MINDY4: variants seen among roughly 807,000 people sequenced by gnomAD.
MINDY4 encodes the protein MINDY lysine 48 deubiquitinase 4, also known as probable ubiquitin carboxyl-terminal hydrolase MINDY-4.
MINDY4 carries 68 observed loss-of-function variants against 87.0 expected under a neutral mutation model. That is an observed-to-expected ratio of 0.78 (90% CI 0.64 to 0.96). The LOEUF is 0.96. Ranked by LOEUF, MINDY4 falls within the 40% of genes least tolerant of loss-of-function variation. The pLI is 0.00. For synonymous variants in MINDY4, 379 were observed against 363.2 expected (o/e 1.04, Z -0.50); for missense variants, 919 against 928.2 (o/e 0.99, Z 0.13).
chr7:30,836,770 T>A lies in MINDY4; in HGVS notation c.1239+6T>A. 1 of 1,609,210 alleles carries A rather than the reference T, an allele frequency of 6.2e-7. No homozygotes were observed. The highest frequency in any genetic ancestry group is 8.5e-7 in the Non-Finnish European group (1 of 1,175,620). On this transcript the variant is annotated splice_donor_region_variant and intron_variant, in intron 7 of 17. Transcript: ENST00000265299. ...TTGACCTCTCAGTAGCAAAGGTAAG[T>A]GTAAGGAGACTCCTGGGTTAAATGT...
chr7:30,818,586 T>C (rs898663313), intron 5 of MINDY4, among the ~76,000 whole-genome samples: 1 of 152,168 alleles, frequency 6.6e-6, no homozygotes, highest in Admixed American at 6.5e-5. Flanking sequence ...CACAGACTTT[T>C]AGTGTGTCAG....
At chr7:30,793,602 G>A (rs535828414) in intron 5 of MINDY4, among the ~76,000 whole-genome samples, 1 of 151,944 alleles carries the variant, frequency 6.6e-6, no homozygotes, top group Admixed American at 6.6e-5. Context: ...TGTATTTTTT[G>A]TAGAGACGGG....
intron 3 of MINDY4, among the ~76,000 whole-genome samples, chr7:30,784,219 T>C (rs1340517205): frequency 6.6e-6 from 1 of 152,108 alleles, no homozygotes; most frequent in East Asian, 1.9e-4. Flanking sequence ...TCTGGTACAA[T>C]AAAAAGGCAA....
At chr7:30,809,575 A>G (rs1447736439) in intron 5 of MINDY4, among the ~76,000 whole-genome samples, 1 of 152,094 alleles carries the variant, frequency 6.6e-6, no homozygotes, top group African/African-American at 2.4e-5. Flanking sequence ...CATCTATACA[A>G]TTCTAAGTTA....
chr7:30,776,328 G>A (rs1020174719), intron 1 of MINDY4, among the ~76,000 whole-genome samples: 3 of 152,136 alleles, frequency 2.0e-5, no homozygotes, highest in African/African-American at 7.2e-5. Flanking sequence ...CAGGGCCTTT[G>A]CACTTGCTGT....
chr7:30,824,627 T>C (rs10235413), intron 5 of MINDY4, among the ~76,000 whole-genome samples: 56,847 of 151,802 alleles, frequency 0.37, 13,878 homozygotes, highest in African/African-American at 0.68. Context: ...TTAGAGGTAG[T>C]GGCTTGCGTG....
Position 30,875,484 on chromosome 7 carries a change from C to T in MINDY4, c.1810-11C>T, listed in dbSNP as rs1163685004. 3.1e-6 allele frequency: 5 copies of T among 1,614,140 alleles called. No homozygotes were observed. The East Asian group carries it at 1.1e-4, about 36-fold the overall frequency. On this transcript the variant is annotated splice_polypyrimidine_tract_variant and intron_variant, in intron 14 of 17. Transcript: ENST00000265299. The stretch of plus-strand genomic sequence containing the variant: ...GACTTGATGAGTCTTTCCCCTTTCT[C>T]TCATCTGCAGGAACTTGTCAATCTG...
At chr7:30,866,023 C>T (rs1279353715) in intron 13 of MINDY4, among the ~76,000 whole-genome samples, 5 of 152,254 alleles carry the variant, frequency 3.3e-5, no homozygotes, top group African/African-American at 1.2e-4. Context: ...AGCAAGCCAA[C>T]TGTGCCTGGG....
chr7:30,830,199 T>G (rs957694131), intron 6 of MINDY4, among the ~76,000 whole-genome samples: 20 of 152,182 alleles, frequency 1.3e-4, no homozygotes, highest in African/African-American at 4.3e-4. Flanking sequence ...AGCAATTACC[T>G]GCCAGCGCAT....
At chr7:30,858,128 G>A (rs1584323866) in intron 12 of MINDY4, 1 of 152,018 alleles carries the variant, frequency 6.6e-6, no homozygotes, top group Middle Eastern at 3.4e-3. Flanking sequence ...CACAGTTCAT[G>A]GTTTCCAAAG....
intron 2 of MINDY4, 135 bp downstream of exon 2, chr7:30,778,686 G>C: frequency 2.8e-6 from 3 of 1,065,186 alleles, no homozygotes; most frequent in Non-Finnish European, 4.2e-6. Context: ...GAGAGAAACG[G>C]ACCCCCCAAA....
At chr7:30,842,300 A>G (rs938924419) in intron 9 of MINDY4, among the ~76,000 whole-genome samples, 2 of 152,040 alleles carry the variant, frequency 1.3e-5, no homozygotes, top group Non-Finnish European at 2.9e-5. Flanking sequence ...ATCATGCCCC[A>G]CTGCCTGCTC....
At chr7:30,875,739 G>C in intron 15 of MINDY4, 83 bp downstream of exon 15, 4 of 1,450,874 alleles carry the variant, frequency 2.8e-6, no homozygotes, top group South Asian at 2.7e-5. Context: ...AGGAAAGCTG[G>C]ACTCCACTTC....
At chr7:30,846,884 G>A (rs7791980) in intron 9 of MINDY4, among the ~76,000 whole-genome samples, 7,966 of 152,204 alleles carry the variant, frequency 0.052, 347 homozygotes, top group East Asian at 0.11. Flanking sequence ...CTGCCCCCAC[G>A]AGAGTCTTAT....
chr7:30,850,690 G>A, intron 10 of MINDY4, 135 bp downstream of exon 10: 2 of 789,890 alleles, frequency 2.5e-6, no homozygotes, highest in Non-Finnish European at 2.1e-6. Flanking sequence ...AGCCCTGCAA[G>A]CCAGCCTGAT....
At chr7:30,882,876 G>A (rs745825597) in intron 16 of MINDY4, 45 bp from the exon 17 acceptor site, 1 of 1,588,506 alleles carries the variant, frequency 6.3e-7, no homozygotes, top group Non-Finnish European at 8.6e-7. Context: ...CAGGGTGAGT[G>A]CAGGGCCCTG....
At chr7:30,811,075 G>A (rs1046174214) in intron 5 of MINDY4, among the ~76,000 whole-genome samples, 2 of 151,822 alleles carry the variant, frequency 1.3e-5, no homozygotes, top group African/African-American at 4.8e-5. Flanking sequence ...TTATCGAAGG[G>A]TGGAAAGAAA....
At chr7:30,882,860 T>G in intron 16 of MINDY4, 61 bp from the exon 17 acceptor site, 1 of 1,534,840 alleles carries the variant, frequency 6.5e-7, no homozygotes, top group Non-Finnish European at 9.0e-7. Flanking sequence ...TGGTCAGCGC[T>G]GACCTCAGGG....
intron 4 of MINDY4, among the ~76,000 whole-genome samples, chr7:30,788,716 G>C (rs909651254): frequency 6.6e-6 from 1 of 152,124 alleles, no homozygotes; most frequent in African/African-American, 2.4e-5. Context: ...TAGTTTGTCT[G>C]TCAGTGGTTC....
Sources: allele counts gnomAD v4.1 joint callset (sites outside exome capture counted in the v4.1 genomes callset), GRCh38; gene constraint gnomAD v4.1.1; transcripts MANE v1.5; gene names NCBI Gene and HGNC (gene_info 2026-07-23, HGNC 2026-07-21).